Variants in RBFOX1 observed in about 807,000 individuals in gnomAD.
The protein encoded by RBFOX1 is RNA binding fox-1 homolog 1.
Under a neutral mutation model 57.7 loss-of-function variants are expected in RBFOX1, and 8 were observed. The ratio of observed to expected loss-of-function variants is 0.14; its 90% CI spans 0.08 to 0.25. The LOEUF (loss-of-function observed/expected upper bound fraction) is 0.25. Among genes scored for constraint, RBFOX1 ranks in the 10% least tolerant of loss-of-function variants. The pLI is 1.00. For synonymous variants in RBFOX1, 326 were observed against 222.4 expected (o/e 1.47, Z -4.15); for missense variants, 611 against 548.5 (o/e 1.11, Z -1.14).
intron 4 of RBFOX1, among the ~76,000 whole-genome samples, chr16:5,878,573 C>T (rs1034576393): frequency 2.0e-5 from 3 of 152,170 alleles, no homozygotes; most frequent in African/African-American, 7.2e-5. Context: ...ACGCAATCTT[C>T]TCCTGATAAA....
chr16:5,365,460 G>T (rs1244213013), intron 1 of RBFOX1, among the ~76,000 whole-genome samples: 1 of 152,184 alleles, frequency 6.6e-6, no homozygotes, highest in Non-Finnish European at 1.5e-5. Context: ...ATGAGGCCAG[G>T]AGTTTGAGAC....
chr16:6,052,231 G>A (rs1226891878), intron 1 of RBFOX1, among the ~76,000 whole-genome samples: 1 of 151,984 alleles, frequency 6.6e-6, no homozygotes, highest in Non-Finnish European at 1.5e-5. Flanking sequence ...CTTCATAGTA[G>A]GGATTTATCC....
intron 3 of RBFOX1, among the ~76,000 whole-genome samples, chr16:6,919,972 A>G (rs893420438): frequency 1.3e-4 from 19 of 151,886 alleles, no homozygotes; most frequent in Non-Finnish European, 2.6e-4. Flanking sequence ...AGTCCATTAC[A>G]TCATTCTTGC....
chr16:7,706,531 C>T (rs897412257), intron 14 of RBFOX1, among the ~76,000 whole-genome samples: 5 of 152,156 alleles, frequency 3.3e-5, no homozygotes, highest in Non-Finnish European at 5.9e-5. Context: ...TATAGTGTCT[C>T]CCCAGAAGAG....
chr16:7,574,654 C>T lies in RBFOX1; in HGVS notation c.271-5123C>T, dbSNP rs181200261. On this transcript the variant is annotated intron_variant, in intron 5 of 15. Transcript: ENST00000550418. The stretch of plus-strand genomic sequence containing the variant: ...TATCCTAGGCGTGTTGGCAGGTGAT[C>T]AGATGGGGCCCACCCAGATTGAGGG... 5.3e-3 allele frequency among the ~76,000 whole-genome samples: 812 copies of T among 152,232 alleles called. 5 individuals carry two copies. The highest frequency in any genetic ancestry group is 0.019 in the African/African-American group (778 of 41,526).
At chr16:6,403,451 C>T (rs1012144689) in intron 2 of RBFOX1, among the ~76,000 whole-genome samples, 8 of 152,192 alleles carry the variant, frequency 5.3e-5, no homozygotes, top group East Asian at 1.9e-4. Context: ...GCAGCCTGGA[C>T]CACCGGAGCT....
intron 4 of RBFOX1, among the ~76,000 whole-genome samples, chr16:7,395,785 C>T (rs2098130050): frequency 6.6e-6 from 1 of 152,160 alleles, no homozygotes. Context: ...TTTTGGCGTA[C>T]ATATTTACCC....
At chr16:7,073,432 G>C (rs9932135) in intron 4 of RBFOX1, among the ~76,000 whole-genome samples, 121,583 of 152,088 alleles carry the variant, frequency 0.8, 49,011 homozygotes, top group East Asian at 0.93. Flanking sequence ...GCCGAGCGCT[G>C]CCAGAACAAA....
intron 4 of RBFOX1, among the ~76,000 whole-genome samples, chr16:7,265,617 T>G (rs2095099426): frequency 6.6e-6 from 1 of 151,740 alleles, no homozygotes; most frequent in Non-Finnish European, 1.5e-5. Context: ...CCTGGCTAAT[T>G]TTTGTATTTT....
intron 3 of RBFOX1, among the ~76,000 whole-genome samples, chr16:7,019,152 C>G (rs1447761539): frequency 6.6e-6 from 1 of 151,620 alleles, no homozygotes; most frequent in African/African-American, 2.4e-5. Context: ...ATAACCATTC[C>G]TTTGTAATAT....
chr16:5,740,176 C>G (rs959082922), intron 3 of RBFOX1, among the ~76,000 whole-genome samples: 1 of 152,188 alleles, frequency 6.6e-6, no homozygotes, highest in South Asian at 2.1e-4. Context: ...GGCTGACTGT[C>G]ATGTCTTTAC....
At chr16:6,619,453 C>T (rs149187596) in intron 2 of RBFOX1, among the ~76,000 whole-genome samples, 32 of 152,284 alleles carry the variant, frequency 2.1e-4, no homozygotes, top group African/African-American at 7.2e-4. Flanking sequence ...ACATCAATTA[C>T]AGTTCAATCA....
chr16:7,407,645 A>G (rs1352022277), intron 4 of RBFOX1, among the ~76,000 whole-genome samples: 1 of 152,154 alleles, frequency 6.6e-6, no homozygotes, highest in Non-Finnish European at 1.5e-5. Flanking sequence ...TAGCAACCAA[A>G]ATATGGCAGC....
At position 7,569,850 on chromosome 16, in the gene RBFOX1, G is replaced by A. The variant is rs1445863203; in HGVS notation, c.271-9927G>A. ...TCCAGTCTTGGGAATGGGAGTGAGC[G>A]CCTCTGTCTCCAAAAAAAACAAAAC... On this transcript the variant is annotated intron_variant, in intron 5 of 15. Transcript: ENST00000550418. 2.1e-4 allele frequency among the ~76,000 whole-genome samples: 12 copies of A among 57,526 alleles called. No homozygotes were observed. In the East Asian group the frequency reaches 3.8e-3, roughly 18 times the overall value. 37.7% of individuals were successfully genotyped at this position (57,526 alleles called of 152,430 possible).
At chr16:7,072,261 C>T (rs549503156) in intron 4 of RBFOX1, among the ~76,000 whole-genome samples, 1 of 152,164 alleles carries the variant, frequency 6.6e-6, no homozygotes, top group East Asian at 1.9e-4. Flanking sequence ...CCAGAATGAC[C>T]TTTAAAGAGC....
intron 2 of RBFOX1, among the ~76,000 whole-genome samples, chr16:6,407,163 C>T (rs1020536864): frequency 1.1e-4 from 17 of 152,246 alleles, no homozygotes; most frequent in South Asian, 2.1e-4. Context: ...TTATTTGTAT[C>T]TGTATCTATC....
intron 3 of RBFOX1, among the ~76,000 whole-genome samples, chr16:5,858,413 T>C (rs2057125288): frequency 6.6e-6 from 1 of 152,186 alleles, no homozygotes; most frequent in Non-Finnish European, 1.5e-5. Context: ...GTGACTGCTT[T>C]AACCTTCCTT....
chr16:7,603,291 A>T (rs1429898361), intron 9 of RBFOX1, among the ~76,000 whole-genome samples: 1 of 152,218 alleles, frequency 6.6e-6, no homozygotes, highest in East Asian at 1.9e-4. Flanking sequence ...GTTTCTTTAG[A>T]GAAAAACCAA....
chr16:5,587,099 G>A (rs1276486202), intron 2 of RBFOX1, among the ~76,000 whole-genome samples: 6 of 152,146 alleles, frequency 3.9e-5, no homozygotes, highest in African/African-American at 1.2e-4. Context: ...CATTGGTTAT[G>A]CACCTGAAAC....
Sources: gnomAD v4.1 joint callset for allele counts (sites outside exome capture counted in the v4.1 genomes callset) on GRCh38, gnomAD v4.1.1 for gene constraint, MANE v1.5 for transcripts, NCBI Gene and HGNC (gene_info 2026-07-23, HGNC 2026-07-21) for gene names.